Variants in ERBB4 observed in about 807,000 individuals in gnomAD.
ERBB4 encodes receptor tyrosine-protein kinase erbB-4.
ERBB4 carries 42 observed loss-of-function variants against 158.0 expected under a neutral mutation model. The ratio of observed to expected loss-of-function variants is 0.27; its 90% CI spans 0.21 to 0.34. The LOEUF is 0.34. Ranked by LOEUF, ERBB4 falls within the 10% of genes least tolerant of loss-of-function variation. The probability of loss-of-function intolerance (pLI) is 1.00; values close to 1 mark genes in which losing one functional copy is unlikely to be tolerated. For synonymous variants in ERBB4, 583 were observed against 558.7 expected, an observed-to-expected ratio of 1.04 and a Z score of -0.61; for missense variants, 1,333 against 1,624.1, an observed-to-expected ratio of 0.82 and a Z score of 3.08.
chr2:211,660,867 C>T (rs769861577), intron 15 of ERBB4, among the ~76,000 whole-genome samples: 9 of 152,138 alleles, frequency 5.9e-5, no homozygotes, highest in African/African-American at 9.7e-5. Context: ...ACTGTAGTCT[C>T]ATGGAAGTCA....
At position 212,286,767 on chromosome 2, in the gene ERBB4, A is replaced by ATTTTTTTTTTTTTTTTTTTTTTTT. The variant is rs748586400; in HGVS notation, c.83-161865_83-161864insAAAAAAAAAAAAAAAAAAAAAAAA. Among the ~76,000 whole-genome samples, 11 of 39,560 alleles carry ATTTTTTTTTTTTTTTTTTTTTTTT rather than the reference A, an allele frequency of 2.8e-4. 3 individuals carry two copies. The highest frequency in any genetic ancestry group is 5.6e-4 in the African/African-American group (5 of 9,008). 26.0% of individuals were successfully genotyped at this position (39,560 alleles called of 152,430 possible). A position where few individuals can be genotyped will look rare whatever the true frequency, so the allele number is the denominator to read the frequency against. Reference sequence around the variant, plus strand: ...TAGGCGGGTGGCACCATGAGGGTTAATTTTTTTTTTTTTTTTTTTTTTTGT... The same window carrying ATTTTTTTTTTTTTTTTTTTTTTTT: ...TAGGCGGGTGGCACCATGAGGGTTAATTTTTTTTTTTTTTTTTTTTTTTTTTTTTTTTTTTTTTTTTTTTTTTGT... On this transcript the variant is annotated intron_variant, in intron 1 of 27. Coordinates refer to ENST00000342788, the MANE Select transcript of ERBB4 (RefSeq NM_005235.3).
chr2:211,637,760 G>A (rs2070414876), intron 16 of ERBB4, among the ~76,000 whole-genome samples: 1 of 151,814 alleles, frequency 6.6e-6, no homozygotes, highest in African/African-American at 2.4e-5. Flanking sequence ...CAAGAAAATA[G>A]AAAAGATGCC....
At chr2:211,913,278 A>G (rs911344406) in intron 3 of ERBB4, among the ~76,000 whole-genome samples, 3 of 152,116 alleles carry the variant, frequency 2.0e-5, no homozygotes, top group African/African-American at 7.2e-5. Context: ...TGGCCTTTTG[A>G]GGACAATTTG....
intron 2 of ERBB4, among the ~76,000 whole-genome samples, chr2:212,117,200 T>C (rs975182958): frequency 4.6e-5 from 7 of 152,206 alleles, no homozygotes; most frequent in Admixed American, 4.6e-4. Flanking sequence ...GCATTCTTTA[T>C]CTCACCCTGC....
chr2:212,132,359 A>G (rs180879061), intron 1 of ERBB4, among the ~76,000 whole-genome samples: 69 of 152,292 alleles, frequency 4.5e-4, no homozygotes, highest in African/African-American at 1.6e-3. Context: ...GGGCCACAGC[A>G]TGCCCAGAAT....
intron 1 of ERBB4, among the ~76,000 whole-genome samples, chr2:212,270,268 C>T (rs1007591546): frequency 2.0e-5 from 3 of 151,652 alleles, no homozygotes; most frequent in Non-Finnish European, 2.9e-5. Flanking sequence ...TTAGTATATG[C>T]TAATAAAAAA....
intron 2 of ERBB4, among the ~76,000 whole-genome samples, chr2:212,104,866 G>A (rs1016981817): frequency 5.3e-5 from 8 of 152,140 alleles, no homozygotes; most frequent in African/African-American, 1.9e-4. Context: ...CAGGCATTAT[G>A]ATAGATTCTA....
At chr2:212,479,519 G>A (rs1213726943) in intron 1 of ERBB4, among the ~76,000 whole-genome samples, 2 of 152,090 alleles carry the variant, frequency 1.3e-5, no homozygotes, top group Non-Finnish European at 2.9e-5. Context: ...CGAGCACTAC[G>A]CTTGAAAGTC....
intron 19 of ERBB4, 152 bp downstream of exon 19, chr2:211,619,025 A>T: frequency 1.6e-6 from 1 of 631,990 alleles, no homozygotes; most frequent in Admixed American, 2.6e-5. Flanking sequence ...TACAATGTGA[A>T]TTGGTCTTAG....
chr2:211,596,893 T>A (rs2068649376), intron 19 of ERBB4, among the ~76,000 whole-genome samples: 1 of 152,146 alleles, frequency 6.6e-6, no homozygotes, highest in South Asian at 2.1e-4. Flanking sequence ...GCCTTCTAAG[T>A]AGCTGGAATT....
intron 17 of ERBB4, 67 bp downstream of exon 17, chr2:211,630,395 A>T (rs139235720): frequency 6.3e-7 from 1 of 1,582,986 alleles, no homozygotes; most frequent in Non-Finnish European, 8.7e-7. Flanking sequence ...ATAATTGAAC[A>T]TCATCTAAAC....
chr2:211,446,913 A>G (rs765702407), intron 20 of ERBB4, among the ~76,000 whole-genome samples: 2 of 152,142 alleles, frequency 1.3e-5, no homozygotes, highest in Non-Finnish European at 2.9e-5. Context: ...TCTATCATAT[A>G]TTTTTGAAAG....
chr2:212,409,040 A>G (rs73062308), intron 1 of ERBB4, among the ~76,000 whole-genome samples: 3,550 of 152,230 alleles, frequency 0.023, 137 homozygotes, highest in African/African-American at 0.08. Context: ...TCTTTACTAA[A>G]TCATTTATTC....
In ERBB4 at chr2:212,269,331, C is replaced by A. The variant is rs894005433; in HGVS notation, c.83-144428G>T. Among the ~76,000 whole-genome samples, 5 of 151,908 alleles carry A rather than the reference C, an allele frequency of 3.3e-5. No individual in the cohort carries two copies. In the South Asian group the frequency reaches 8.3e-4, roughly 25 times the overall value. On this transcript the variant is annotated intron_variant, in intron 1 of 27. Transcript: ENST00000342788. ...AAATATAGGAGAGTAGATCAATGAA[C>A]ATGCTTTGTGTTGAGTATGCCCAAT...
At chr2:211,415,309 CGGGGTTTCACCGCGTTAGCCAGGAT>C (rs1333029185) in intron 25 of ERBB4, among the ~76,000 whole-genome samples, 24 of 151,446 alleles carry the variant, frequency 1.6e-4, no homozygotes, top group African/African-American at 4.6e-4. Flanking sequence ...TTAGTAGAGG[CGGGGTTTCACCGCGTTAGCCAGGAT>C]GGTCTCGATC....
chr2:211,490,671 T>C (rs1296365584), intron 20 of ERBB4, among the ~76,000 whole-genome samples: 4 of 152,026 alleles, frequency 2.6e-5, no homozygotes, highest in Admixed American at 1.3e-4. Context: ...TCATTGCCTA[T>C]GGTTTGTGAG....
chr2:212,191,303 C>T (rs997535151), intron 1 of ERBB4, among the ~76,000 whole-genome samples: 3 of 152,016 alleles, frequency 2.0e-5, no homozygotes, highest in East Asian at 1.9e-4. Flanking sequence ...GGGGACTACA[C>T]TTTGAGAACC....
chr2:211,869,255 G>A (rs1362764528), intron 3 of ERBB4, among the ~76,000 whole-genome samples: 1 of 152,156 alleles, frequency 6.6e-6, no homozygotes, highest in Admixed American at 6.5e-5. Context: ...ACATACCTGT[G>A]TTTTTAACAG....
chr2:211,551,362 A>G (rs1035486280), intron 20 of ERBB4, among the ~76,000 whole-genome samples: 3 of 152,222 alleles, frequency 2.0e-5, no homozygotes, highest in Non-Finnish European at 4.4e-5. Flanking sequence ...GTGGTTATAT[A>G]ATTACAATAA....
Sources: allele counts gnomAD v4.1 joint callset (sites outside exome capture counted in the v4.1 genomes callset), GRCh38; gene constraint gnomAD v4.1.1; transcripts MANE v1.5; gene names NCBI Gene and HGNC (gene_info 2026-07-23, HGNC 2026-07-21).